The following IL1RAPL2 variants were observed in gnomAD, a reference collection of about 807,000 sequenced individuals.
The protein encoded by IL1RAPL2 is interleukin 1 receptor accessory protein like 2, also known as X-linked interleukin-1 receptor accessory protein-like 2.
IL1RAPL2 carries 3 observed loss-of-function variants against 44.1 expected under a neutral mutation model. The ratio of observed to expected loss-of-function variants is 0.07; its 90% CI spans 0.03 to 0.18. IL1RAPL2 has a LOEUF of 0.18. Ranked by LOEUF, IL1RAPL2 falls within the 10% of genes least tolerant of loss-of-function variation. IL1RAPL2 has a pLI of 1.00. For synonymous variants in IL1RAPL2, 181 were observed against 178.8 expected, an observed-to-expected ratio of 1.01 and a Z score of -0.10; for missense variants, 391 against 496.4, an observed-to-expected ratio of 0.79 and a Z score of 2.02.
At chrX:105,073,351 G>A (rs57401713) in intron 2 of IL1RAPL2, among the ~76,000 whole-genome samples, 8,518 of 103,035 alleles carry the variant, frequency 0.083, 903 homozygotes, top group African/African-American at 0.27. Context: ...AGCTTCATCC[G>A]TGTCCCTACA....
At chrX:105,427,301 C>T (rs753380618) in intron 5 of IL1RAPL2, among the ~76,000 whole-genome samples, 1 of 112,043 alleles carries the variant, frequency 8.9e-6, no homozygotes, top group Admixed American at 9.5e-5. Flanking sequence ...TTATCTTCAC[C>T]TGTTCTGGAA....
intron 2 of IL1RAPL2, among the ~76,000 whole-genome samples, chrX:104,747,595 G>A (rs759045026): frequency 2.7e-5 from 3 of 111,138 alleles, no homozygotes; most frequent in Non-Finnish European, 5.7e-5. Flanking sequence ...ACTTAGGGAA[G>A]GGGGACAGGA....
intron 2 of IL1RAPL2, among the ~76,000 whole-genome samples, chrX:105,090,553 G>C (rs1033784713): frequency 1.3e-4 from 15 of 111,970 alleles, no homozygotes; most frequent in Non-Finnish European, 2.4e-4. Context: ...AAAACTGTGG[G>C]ACACTTTCCT....
chrX:104,621,821 A>G (rs189556387), intron 1 of IL1RAPL2, among the ~76,000 whole-genome samples: 13 of 112,094 alleles, frequency 1.2e-4, no homozygotes, highest in African/African-American at 4.2e-4. Context: ...GACTATGAAC[A>G]GTACTCAGTA....
At chrX:105,201,265 A>G (rs782431522) in intron 3 of IL1RAPL2, among the ~76,000 whole-genome samples, 21 of 112,020 alleles carry the variant, frequency 1.9e-4, no homozygotes, top group Non-Finnish European at 3.8e-4. Context: ...TTATTACTCC[A>G]GCAAAACAGC....
chrX:105,666,347 A>G (rs886599535), intron 6 of IL1RAPL2, among the ~76,000 whole-genome samples: 1 of 110,668 alleles, frequency 9.0e-6, no homozygotes, highest in African/African-American at 3.3e-5. Flanking sequence ...CAATGCACTG[A>G]ATATACCAGC....
chrX:105,484,769 G>GA (rs1356882101), intron 6 of IL1RAPL2, among the ~76,000 whole-genome samples: 2 of 140 alleles, frequency 0.014, no homozygotes, highest in Non-Finnish European at 0.031. Flanking sequence ...ATAAAATACA[G>GA]GCTTCGGTTT....
At chrX:105,256,679 C>T (rs751010086) in intron 4 of IL1RAPL2, among the ~76,000 whole-genome samples, 16 of 111,343 alleles carry the variant, frequency 1.4e-4, no homozygotes, top group Middle Eastern at 4.2e-3. Flanking sequence ...GATTCAATTT[C>T]TTCCTGGCTC....
At chrX:105,069,649 T>G (rs1276143032) in intron 2 of IL1RAPL2, among the ~76,000 whole-genome samples, 1 of 112,281 alleles carries the variant, frequency 8.9e-6, no homozygotes, top group Non-Finnish European at 1.9e-5. Flanking sequence ...TAAAACAAAA[T>G]AAAGTCTTGT....
At chrX:104,762,301 G>A (rs1932474939) in intron 2 of IL1RAPL2, among the ~76,000 whole-genome samples, 1 of 111,036 alleles carries the variant, frequency 9.0e-6, no homozygotes, top group African/African-American at 3.3e-5. Context: ...ACCTGGCCAG[G>A]GAGGTCAAAT....
chrX:105,564,850 C>A (rs889036826), intron 6 of IL1RAPL2, among the ~76,000 whole-genome samples: 3 of 111,825 alleles, frequency 2.7e-5, no homozygotes, highest in African/African-American at 9.8e-5. Flanking sequence ...CCTTTTCATT[C>A]CCTTCCTTTT....
At position 105,258,353 on chromosome X, in the gene IL1RAPL2, G is replaced by A. The variant is rs6652915; in HGVS notation, c.544-9035G>A. On this transcript the variant is annotated intron_variant, in intron 4 of 10. Coordinates refer to ENST00000372582, the MANE Select transcript of IL1RAPL2 (RefSeq NM_017416.2). ...GGTGACCTGCCCTTTCTCTCTAGCTGCCTTTAACATTCTTTCTTTCACTTT... is the reference window on the plus strand; with the variant it reads ...GGTGACCTGCCCTTTCTCTCTAGCTACCTTTAACATTCTTTCTTTCACTTT... Among the ~76,000 whole-genome samples, 431 of 111,397 alleles carry A rather than the reference G, an allele frequency of 3.9e-3. 1 individual carries two copies. The highest frequency in any genetic ancestry group is 0.013 in the African/African-American group (405 of 30,609).
Position 105,284,734 on chromosome X carries a change from A to G in IL1RAPL2, c.697+17193A>G, listed in dbSNP as rs2034557825. Among the ~76,000 whole-genome samples, 3 of 111,802 alleles carry G rather than the reference A, an allele frequency of 2.7e-5. No homozygotes were observed. In the South Asian group the frequency reaches 1.1e-3, roughly 42 times the overall value. ...AGGAAATCAAGACTCAGCAAGGTTA[A>G]GTAACTTGCCCGGGTCACACAGCTA... On this transcript the variant is annotated intron_variant, in intron 5 of 10. Transcript: ENST00000372582.
At chrX:104,608,560 G>A (rs1202404575) in intron 1 of IL1RAPL2, among the ~76,000 whole-genome samples, 1 of 108,746 alleles carries the variant, frequency 9.2e-6, no homozygotes, top group Admixed American at 9.9e-5. Context: ...AGCTCTTGTT[G>A]TTGAATTGAT....
intron 6 of IL1RAPL2, among the ~76,000 whole-genome samples, chrX:105,511,856 A>C (rs1454306907): frequency 1.8e-5 from 2 of 111,555 alleles, no homozygotes; most frequent in African/African-American, 6.5e-5. Context: ...TTTTAAAAAG[A>C]AAATATTTTG....
intron 2 of IL1RAPL2, among the ~76,000 whole-genome samples, chrX:104,932,222 C>A (rs2147697896): frequency 9.1e-6 from 1 of 109,428 alleles, no homozygotes; most frequent in East Asian, 2.9e-4. Flanking sequence ...TGGTCTCGAA[C>A]TGCTGACCTC....
At position 105,041,764 on chromosome X, in the gene IL1RAPL2, G is replaced by A. The variant is rs746377973; in HGVS notation, c.83-153711G>A. Among the ~76,000 whole-genome samples the A allele has an allele frequency of 7.4e-5, 8 of 108,446 alleles. No individual in the cohort carries two copies. The South Asian group carries it at 2.9e-3, about 39-fold the overall frequency. 94.2% of individuals were successfully genotyped at this position (108,446 alleles called of 115,157 possible). A position where few individuals can be genotyped will look rare whatever the true frequency, so the allele number is the denominator to read the frequency against. ...ATGGAACCAAAAAAGAGCCCGCATC[G>A]CCAAGTCAATCCTAAGCCAAAAGAA... On this transcript the variant is annotated intron_variant, in intron 2 of 10. Coordinates refer to ENST00000372582, the MANE Select transcript of IL1RAPL2 (RefSeq NM_017416.2).
intron 2 of IL1RAPL2, among the ~76,000 whole-genome samples, chrX:104,666,960 C>A (rs1273487356): frequency 8.9e-6 from 1 of 111,791 alleles, no homozygotes; most frequent in Non-Finnish European, 1.9e-5. Context: ...TTATTTGAGA[C>A]TGTCATAGAG....
At chrX:105,408,662 T>C in intron 5 of IL1RAPL2, among the ~76,000 whole-genome samples, 1 of 111,644 alleles carries the variant, frequency 9.0e-6, no homozygotes, top group Non-Finnish European at 1.9e-5. Context: ...AGATAATCTA[T>C]TTTCATAATC....
Sources: gnomAD v4.1 joint callset for allele counts (sites outside exome capture counted in the v4.1 genomes callset) on GRCh38, gnomAD v4.1.1 for gene constraint, MANE v1.5 for transcripts, NCBI Gene and HGNC (gene_info 2026-07-23, HGNC 2026-07-21) for gene names.